DPP6: variants seen among roughly 807,000 people sequenced by gnomAD.
The protein encoded by DPP6 is dipeptidyl peptidase like 6, also known as A-type potassium channel modulatory protein DPP6.
DPP6 carries 69 observed loss-of-function variants against 122.6 expected under a neutral mutation model. That is an observed-to-expected ratio of 0.56 (90% confidence interval 0.46 to 0.69). The LOEUF (loss-of-function observed/expected upper bound fraction) is 0.69, where lower values mean the gene tolerates loss of function less well. Ranked by LOEUF, DPP6 falls within the 30% of genes least tolerant of loss-of-function variation. The probability of loss-of-function intolerance (pLI) is 0.00; values close to 1 mark genes in which losing one functional copy is unlikely to be tolerated. For synonymous variants in DPP6, 418 were observed against 433.1 expected (o/e 0.97, Z 0.43); for missense variants, 928 against 1,116.9 (o/e 0.83, Z 2.41).
intron 1 of DPP6, among the ~76,000 whole-genome samples, chr7:154,206,825 G>C (rs1159162894): frequency 6.6e-6 from 1 of 152,206 alleles, no homozygotes; most frequent in African/African-American, 2.4e-5. Context: ...CTTTGAAATG[G>C]TTAATGCTGT....
At chr7:154,712,326 C>T (rs2131308029) in intron 7 of DPP6, among the ~76,000 whole-genome samples, 1 of 152,238 alleles carries the variant, frequency 6.6e-6, no homozygotes, top group Non-Finnish European at 1.5e-5. Context: ...CTCATTCTAT[C>T]TAATAAATCA....
At chr7:154,238,313 G>A (rs913708891) in intron 1 of DPP6, among the ~76,000 whole-genome samples, 1 of 152,128 alleles carries the variant, frequency 6.6e-6, no homozygotes. Context: ...CCTGAGGTCT[G>A]AACTCTGGGT....
intron 1 of DPP6, among the ~76,000 whole-genome samples, chr7:154,172,232 T>A (rs1331433360): frequency 6.6e-6 from 1 of 152,072 alleles, no homozygotes; most frequent in Non-Finnish European, 1.5e-5. Context: ...TGAAACAAGG[T>A]TCCTGCTCTG....
chr7:154,098,625 G>A (rs1200911945), intron 1 of DPP6, among the ~76,000 whole-genome samples: 1 of 151,468 alleles, frequency 6.6e-6, no homozygotes, highest in Non-Finnish European at 1.5e-5. Flanking sequence ...CCAGGGATTG[G>A]CTCTGCTTGC....
At chr7:154,248,632 G>A (rs1387865343) in intron 1 of DPP6, among the ~76,000 whole-genome samples, 3 of 152,166 alleles carry the variant, frequency 2.0e-5, no homozygotes. Flanking sequence ...TTGGGAGGCC[G>A]AGGCAGGTGG....
the DPP6 span, among the ~76,000 whole-genome samples, chr7:153,838,864 G>A: frequency 5.9e-5 from 9 of 152,104 alleles, no homozygotes; most frequent in African/African-American, 1.9e-4. Flanking sequence ...CAGCTTATAA[G>A]TGAAATTCTT....
intron 16 of DPP6, among the ~76,000 whole-genome samples, chr7:154,837,641 T>C (rs891922699): frequency 1.3e-5 from 2 of 152,246 alleles, no homozygotes; most frequent in Non-Finnish European, 2.9e-5. Context: ...CTCTTCCTTG[T>C]TACTTTTTCC....
At position 154,221,704 on chromosome 7, in the gene DPP6, CTG is replaced by C. The variant is rs376736430; in HGVS notation, c.243+168642_243+168643del. The stretch of plus-strand genomic sequence containing the variant: ...GTTATAATAATGACTTCATTACTCT[CTG>C]AGGCTTCCAGATCTTCTCTTCATTC... On this transcript the variant is annotated intron_variant, in intron 1 of 25. Coordinates refer to ENST00000377770, the MANE Select transcript of DPP6 (RefSeq NM_130797.4). 6.6e-5 allele frequency among the ~76,000 whole-genome samples: 10 copies of C among 152,272 alleles called. No homozygotes were observed. In the East Asian group the frequency reaches 1.9e-3, roughly 29 times the overall value.
At chr7:153,969,859 T>G (rs552464617) in intron 1 of DPP6, among the ~76,000 whole-genome samples, 1 of 149,302 alleles carries the variant, frequency 6.7e-6, no homozygotes, top group Admixed American at 6.6e-5. Flanking sequence ...CCCCAGCCCT[T>G]GGAAATCAGT....
At chr7:154,150,468 A>G (rs1268504855) in intron 1 of DPP6, among the ~76,000 whole-genome samples, 4 of 152,210 alleles carry the variant, frequency 2.6e-5, no homozygotes, top group Admixed American at 6.5e-5. Flanking sequence ...ACAGAGCAAA[A>G]GGGGAATTGT....
intron 1 of DPP6, among the ~76,000 whole-genome samples, chr7:154,441,221 G>A (rs1348679014): frequency 6.6e-6 from 1 of 152,104 alleles, no homozygotes; most frequent in Non-Finnish European, 1.5e-5. Context: ...ACAAGAAGTT[G>A]GAGGATCACA....
chr7:154,573,243 G>A (rs1037862244), intron 5 of DPP6, among the ~76,000 whole-genome samples: 2 of 152,156 alleles, frequency 1.3e-5, no homozygotes, highest in African/African-American at 2.4e-5. Flanking sequence ...ATTCTCATGT[G>A]TGGGGGCTGC....
chr7:154,622,962 G>A (rs1834792285), intron 5 of DPP6, among the ~76,000 whole-genome samples: 2 of 152,198 alleles, frequency 1.3e-5, no homozygotes, highest in African/African-American at 4.8e-5. Flanking sequence ...CAGAATGCCA[G>A]GTTTCTGATA....
intron 16 of DPP6, among the ~76,000 whole-genome samples, chr7:154,810,028 G>A (rs1310551859): frequency 4.6e-5 from 7 of 152,186 alleles, no homozygotes; most frequent in African/African-American, 1.7e-4. Context: ...CATAATTTTT[G>A]TATTTTTAGT....
chr7:153,844,674 C>T, the DPP6 span, among the ~76,000 whole-genome samples: 61 of 152,264 alleles, frequency 4.0e-4, no homozygotes, highest in Non-Finnish European at 5.7e-4. Flanking sequence ...CAGATTCATC[C>T]GGTGGGACAT....
At chr7:154,669,543 T>C (rs919437758) in intron 7 of DPP6, 102 bp downstream of exon 7, 15 of 436,478 alleles carry the variant, frequency 3.4e-5, no homozygotes, top group African/African-American at 1.4e-4. Context: ...TGGTGTTGTG[T>C]GTGTGTGTGT....
chr7:154,044,382 C>A (rs1165197677), intron 1 of DPP6, among the ~76,000 whole-genome samples: 2 of 152,102 alleles, frequency 1.3e-5, no homozygotes, highest in African/African-American at 4.8e-5. Flanking sequence ...TTTTATTGCT[C>A]CTAATGCAAT....
chr7:154,078,040 A>C (rs548764327), intron 1 of DPP6, among the ~76,000 whole-genome samples: 4 of 152,270 alleles, frequency 2.6e-5, no homozygotes, highest in East Asian at 1.9e-4. Flanking sequence ...TATCCTCTGT[A>C]AACTTAGATA....
chr7:154,386,746 T>C (rs1275833148), intron 1 of DPP6, among the ~76,000 whole-genome samples: 1 of 152,158 alleles, frequency 6.6e-6, no homozygotes, highest in African/African-American at 2.4e-5. Context: ...TAGAGAAAGC[T>C]GAGGAGAACA....
Sources: allele counts gnomAD v4.1 joint callset (sites outside exome capture counted in the v4.1 genomes callset), GRCh38; gene constraint gnomAD v4.1.1; transcripts MANE v1.5; gene names NCBI Gene and HGNC (gene_info 2026-07-23, HGNC 2026-07-21).